Variants in ANKS1B observed in about 807,000 individuals in gnomAD.
The protein encoded by ANKS1B is ankyrin repeat and sterile alpha motif domain containing 1B.
A neutral mutation model predicts 148.3 loss-of-function variants in ANKS1B; 36 were observed. That is an observed-to-expected ratio of 0.24 (90% CI 0.19 to 0.32). The LOEUF (loss-of-function observed/expected upper bound fraction) is 0.32, where lower values mean the gene tolerates loss of function less well. Ranked by LOEUF, ANKS1B falls within the 10% of genes least tolerant of loss-of-function variation. The pLI is 1.00. For missense variants in ANKS1B, 1,157 were observed against 1,542.6 expected (o/e 0.75, Z 4.19); for synonymous variants, 542 against 560.8 (o/e 0.97, Z 0.47).
chr12:99,942,516 C>A (rs553982402), intron 1 of ANKS1B, among the ~76,000 whole-genome samples: 2 of 151,580 alleles, frequency 1.3e-5, no homozygotes. Flanking sequence ...TGAGGGACAA[C>A]AGAAGGAAGA....
chr12:98,878,996 T>C (rs188343238), intron 17 of ANKS1B, among the ~76,000 whole-genome samples: 1 of 152,338 alleles, frequency 6.6e-6, no homozygotes, highest in Non-Finnish European at 1.5e-5. Flanking sequence ...TTGCATACTG[T>C]CTGTGTGATT....
At chr12:99,291,467 G>A (rs1008940963) in intron 12 of ANKS1B, among the ~76,000 whole-genome samples, 1 of 152,068 alleles carries the variant, frequency 6.6e-6, no homozygotes, top group Non-Finnish European at 1.5e-5. Context: ...AAAACTGGAG[G>A]AATCACATTA....
chr12:99,561,216 T>C (rs377396371), intron 9 of ANKS1B, among the ~76,000 whole-genome samples: 2 of 152,242 alleles, frequency 1.3e-5, no homozygotes, highest in South Asian at 2.1e-4. Flanking sequence ...TGAACAATTC[T>C]TCTATAGCAT....
At chr12:99,377,542 G>A (rs1166739445) in intron 12 of ANKS1B, among the ~76,000 whole-genome samples, 2 of 152,046 alleles carry the variant, frequency 1.3e-5, no homozygotes, top group African/African-American at 4.8e-5. Context: ...CTTTGCCAAC[G>A]AATTGTGACT....
chr12:99,689,950 C>A (rs2098669979), intron 8 of ANKS1B, among the ~76,000 whole-genome samples: 1 of 152,116 alleles, frequency 6.6e-6, no homozygotes, highest in African/African-American at 2.4e-5. Context: ...TCAAGAAATA[C>A]CCAAGAATCG....
At chr12:99,322,925 C>T (rs2085579716) in intron 12 of ANKS1B, among the ~76,000 whole-genome samples, 1 of 152,134 alleles carries the variant, frequency 6.6e-6, no homozygotes, top group South Asian at 2.1e-4. Context: ...TTCTCTCTTG[C>T]CTGCCACCAT....
chr12:99,536,625 A>G (rs2097070709), intron 9 of ANKS1B, among the ~76,000 whole-genome samples: 1 of 151,978 alleles, frequency 6.6e-6, no homozygotes, highest in African/African-American at 2.4e-5. Context: ...TTTTAATTTA[A>G]ATTTTGTGTA....
chr12:99,327,222 A>ATTTATAATTATAATAATTATAATTT (rs1397775069), intron 12 of ANKS1B, among the ~76,000 whole-genome samples: 16 of 116,734 alleles, frequency 1.4e-4, no homozygotes, highest in East Asian at 2.1e-4. Flanking sequence ...ATATAATATA[A>ATTTATAATTATAATAATTATAATTT]TTTATAATTA....
At chr12:99,679,110 CCT>C (rs1394035167) in intron 8 of ANKS1B, among the ~76,000 whole-genome samples, 1 of 151,842 alleles carries the variant, frequency 6.6e-6, no homozygotes, top group Non-Finnish European at 1.5e-5. Flanking sequence ...AAAAATGAAC[CCT>C]GATAGGTATC....
intron 25 of ANKS1B, among the ~76,000 whole-genome samples, chr12:98,759,959 G>A (rs2098364548): frequency 6.6e-6 from 1 of 151,988 alleles, no homozygotes; most frequent in Admixed American, 6.6e-5. Flanking sequence ...CAGCCTGGGT[G>A]ACAGAGTGAG....
At chr12:99,288,955 T>C (rs1447886969) in intron 12 of ANKS1B, among the ~76,000 whole-genome samples, 6 of 151,856 alleles carry the variant, frequency 4.0e-5, no homozygotes, top group African/African-American at 1.2e-4. Context: ...TCAAAAGACA[T>C]AGAGTGGCTG....
chr12:99,463,895 T>G (rs2096042721), intron 10 of ANKS1B, among the ~76,000 whole-genome samples: 2 of 152,218 alleles, frequency 1.3e-5, no homozygotes, highest in Non-Finnish European at 2.9e-5. Flanking sequence ...CAGTAACCTC[T>G]GCAGACTTAA....
intron 17 of ANKS1B, among the ~76,000 whole-genome samples, chr12:98,899,858 T>C (rs2099769737): frequency 6.6e-6 from 1 of 152,242 alleles, no homozygotes. Flanking sequence ...TTTATAGCAC[T>C]GAGGTATACA....
At chr12:99,015,177 T>C (rs969935368) in intron 17 of ANKS1B, among the ~76,000 whole-genome samples, 23 of 152,152 alleles carry the variant, frequency 1.5e-4, no homozygotes, top group African/African-American at 5.1e-4. Context: ...ATATACACCA[T>C]GGAATATTAT....
intron 15 of ANKS1B, among the ~76,000 whole-genome samples, chr12:99,128,697 T>G (rs180790545): frequency 6.6e-6 from 1 of 152,212 alleles, no homozygotes; most frequent in African/African-American, 2.4e-5. Context: ...GCCTGTGGTA[T>G]AGCATTATGA....
chr12:98,847,347 T>A (rs1203896148), intron 17 of ANKS1B, among the ~76,000 whole-genome samples: 1 of 152,144 alleles, frequency 6.6e-6, no homozygotes, highest in Admixed American at 6.5e-5. Context: ...CACATTGAAG[T>A]GAGATCATAT....
intron 17 of ANKS1B, chr12:98,894,807 CG>C (rs2099760679): frequency 1.2e-5 from 12 of 984,136 alleles, no homozygotes; most frequent in Non-Finnish European, 1.4e-5. Context: ...CGAGGAAGGG[CG>C]GGAGAGGCGC....
At chr12:98,989,487 T>G (rs1215893641) in intron 17 of ANKS1B, among the ~76,000 whole-genome samples, 2 of 152,232 alleles carry the variant, frequency 1.3e-5, no homozygotes, top group Admixed American at 1.3e-4. Context: ...TTTATGCCAG[T>G]ACCAGGCTGT....
intron 4 of ANKS1B, among the ~76,000 whole-genome samples, chr12:99,798,103 C>T (rs568327413): frequency 2.6e-5 from 4 of 152,034 alleles, no homozygotes; most frequent in Admixed American, 1.3e-4. Flanking sequence ...CTGGTTTCCC[C>T]TTCCAAATTT....
Sources: allele counts gnomAD v4.1 joint callset (sites outside exome capture counted in the v4.1 genomes callset), GRCh38; gene constraint gnomAD v4.1.1; transcripts MANE v1.5; gene names NCBI Gene and HGNC (gene_info 2026-07-23, HGNC 2026-07-21).